SLAMF8: variants seen among roughly 807,000 people sequenced by gnomAD.
The protein encoded by SLAMF8 is SLAM family member 8, also known as B lymphocyte activator macrophage expressed.
In SLAMF8, 23 loss-of-function variants were observed where a neutral mutation model predicts 29.0. That is an observed-to-expected ratio of 0.79 (90% CI 0.57 to 1.13). The LOEUF (loss-of-function observed/expected upper bound fraction) is 1.13. Ranked by LOEUF, SLAMF8 falls within the 50% of genes most tolerant of loss-of-function variation. The pLI, the probability that SLAMF8 is intolerant of heterozygous loss-of-function variation, is 0.00. For missense variants in SLAMF8, 381 were observed against 353.1 expected (o/e 1.08, Z -0.63); for synonymous variants, 139 against 145.6 (o/e 0.96, Z 0.32).
chr1:159,828,728 G>A (rs943254284), intron 1 of SLAMF8, among the ~76,000 whole-genome samples: 21 of 152,306 alleles, frequency 1.4e-4, no homozygotes, highest in Middle Eastern at 3.4e-3. Flanking sequence ...AGGCCACTGT[G>A]AGAACACAAG....
intron 4 of SLAMF8, chr1:159,834,964 A>C: frequency 3.9e-6 from 2 of 512,156 alleles, no homozygotes; most frequent in South Asian, 5.3e-5. Context: ...TTCTACAATT[A>C]AATGTATGGC....
At chr1:159,827,024 C>T (rs1663665208) in intron 1 of SLAMF8, 86 bp downstream of exon 1, 2 of 1,550,186 alleles carry the variant, frequency 1.3e-6, no homozygotes, top group Non-Finnish European at 1.8e-6. Flanking sequence ...GCAGGGATCC[C>T]TCGACCTGGG....
At chr1:159,828,978 G>T (rs528382705) in intron 1 of SLAMF8, among the ~76,000 whole-genome samples, 1 of 152,216 alleles carries the variant, frequency 6.6e-6, no homozygotes, top group Non-Finnish European at 1.5e-5. Context: ...ACATCCAGTG[G>T]ATCCCAAGGA....
chr1:159,833,287 T>A lies in SLAMF8; in HGVS notation c.699T>A (p.Asp233Glu). 3 of 1,614,166 alleles carry A rather than the reference T, an allele frequency of 1.9e-6. No individual in the cohort carries two copies. The highest frequency in any genetic ancestry group is 2.5e-6 in the Non-Finnish European group (3 of 1,180,018). The change falls in exon 4 of 5, where the codon GAT becomes GAA. Residue 233 changes from aspartate to glutamate, a missense_variant. Coordinates refer to ENST00000289707, the MANE Select transcript of SLAMF8 (RefSeq NM_020125.3). ...CACCAGGGAAGGCCTCCTACAAAGATGTGCTGCTGGTGGTGGTGCCTGTCT... is the reference window on the plus strand; with the variant it reads ...CACCAGGGAAGGCCTCCTACAAAGAAGTGCTGCTGGTGGTGGTGCCTGTCT... ...EAAPGKASYK[D>E]VLLVVVPVSL...
rs1342434021 is a variant in SLAMF8 at position 159,830,200 on chromosome 1, T to C, written c.367+8T>C. 1.3e-6 allele frequency: 2 copies of C among 1,565,066 alleles called. No individual in the cohort carries two copies. The highest frequency in any genetic ancestry group is 1.8e-5 in the Admixed American group (1 of 54,622). On this transcript the variant is annotated splice_region_variant and intron_variant, in intron 2 of 4. Coordinates refer to ENST00000289707, the MANE Select transcript of SLAMF8 (RefSeq NM_020125.3). ...TCCAGCTCAAGGTGTACGGTGAGTG[T>C]GTCTGACACTGGCTGCCTGGCCCTC...
Position 159,836,641 on chromosome 1 carries a change from T to C in SLAMF8, c.*1381T>C, listed in dbSNP as rs1443441857. On this transcript the variant is annotated 3_prime_UTR_variant, in exon 5 of 5. Coordinates refer to ENST00000289707, the MANE Select transcript of SLAMF8 (RefSeq NM_020125.3). ...ATCTCCCCACCTAGGATGTCAGCCCTGTCCAAGGACCTTCCCTCTTCTCCC... is the reference window on the plus strand; with the variant it reads ...ATCTCCCCACCTAGGATGTCAGCCCCGTCCAAGGACCTTCCCTCTTCTCCC... 1 of 985,336 alleles carries C rather than the reference T, an allele frequency of 1.0e-6. No homozygotes were observed. The highest frequency in any genetic ancestry group is 1.7e-5 in the African/African-American group (1 of 57,236). 61.0% of individuals were successfully genotyped at this position (985,336 alleles called of 1,614,324 possible). A position where few individuals can be genotyped will look rare whatever the true frequency, so the allele number is the denominator to read the frequency against.
chr1:159,837,219 A>G lies in SLAMF8; in HGVS notation c.*1959A>G, dbSNP rs1163045364. The G allele has an allele frequency of 4.1e-6, 4 of 985,352 alleles. No homozygotes were observed. The highest frequency in any genetic ancestry group is 4.8e-6 in the Non-Finnish European group (4 of 829,976). 61.0% of individuals were successfully genotyped at this position (985,352 alleles called of 1,614,324 possible). A position where few individuals can be genotyped will look rare whatever the true frequency, so the allele number is the denominator to read the frequency against. On this transcript the variant is annotated 3_prime_UTR_variant, in exon 5 of 5. Transcript: ENST00000289707. ...CCAGGGCCTTGTTGAACAGATCCAC[A>G]CTGCTCTAATAAAGTTCCCATCCTT... is the stretch of plus-strand genomic sequence containing the variant.
intron 1 of SLAMF8, among the ~76,000 whole-genome samples, chr1:159,827,574 A>G (rs1663707551): frequency 6.6e-6 from 1 of 152,140 alleles, no homozygotes; most frequent in Admixed American, 6.5e-5. Context: ...TCCTTGGTCA[A>G]CAAGCAGCCA....
chr1:159,830,070 T>A lies in SLAMF8; in HGVS notation c.245T>A (p.Leu82Gln), dbSNP rs1333154001. Residue 82 changes from leucine (L) to glutamine (Q), a missense_variant, in exon 2 of 5, where the codon CTA becomes CAA. Leu to Gln is a moderately radical substitution (Grantham distance 113). Transcript: ENST00000289707. ...TCCCGCTTCCTGGGCCGAGCCCAGC[T>A]ACACAGCAACCTCAGCCTGGAGCTC... ...YHSRFLGRAQ[L>Q]HSNLSLELGP... The A allele has an allele frequency of 6.2e-7, 1 of 1,614,118 alleles. No individual in the cohort carries two copies. The highest frequency in any genetic ancestry group is 8.5e-7 in the Non-Finnish European group (1 of 1,180,046).
chr1:159,837,471 T>C lies in SLAMF8; in HGVS notation c.*2211T>C, dbSNP rs778740733. 9 of 216,356 alleles carry C rather than the reference T, an allele frequency of 4.2e-5. No individual in the cohort carries two copies. The highest frequency in any genetic ancestry group is 5.6e-5 in the Non-Finnish European group (7 of 125,884). The allele number at this position is 216,356 out of a possible 1,614,324, so 13.4% of individuals were successfully genotyped here. On this transcript the variant is annotated 3_prime_UTR_variant, in exon 5 of 5. Transcript: ENST00000289707. ...CTTTGAGAGTTTATGGTCTGGATAA[T>C]ATAAATAAACAAGTAAGCATATGTC...
intron 2 of SLAMF8, 132 bp from the exon 3 acceptor site, chr1:159,832,744 G>C (rs1483722469): frequency 9.2e-6 from 9 of 980,478 alleles, no homozygotes; most frequent in Non-Finnish European, 1.4e-5. Context: ...GCAGTGGAAA[G>C]CCAGACAAGA....
chr1:159,835,819 G>A lies in SLAMF8; in HGVS notation c.*559G>A, dbSNP rs1475345861. The stretch of plus-strand genomic sequence containing the variant: ...AGAAATAGGTGAAAGTGAGAGGTGG[G>A]GGACAGGGGTTTCTCTTTCTGGCCT... On this transcript the variant is annotated 3_prime_UTR_variant, in exon 5 of 5. Transcript: ENST00000289707. 5.1e-6 allele frequency: 5 copies of A among 985,424 alleles called. No homozygotes were observed. The Admixed American group carries it at 1.8e-4, about 36-fold the overall frequency. The allele number at this position is 985,424 out of a possible 1,614,324, so 61.0% of individuals were successfully genotyped here.
At position 159,829,908 on chromosome 1, in the gene SLAMF8, A is replaced by G; in HGVS notation, c.83A>G (p.Lys28Arg). Residue 28 changes from lysine (K) to arginine (R), a missense_variant, in exon 2 of 5, where the codon AAA (lysine) becomes AGA (arginine). Transcript: ENST00000289707. ...ITVTGAQVLS[K>R]VGGSVLLVAA... is the part of the protein sequence containing the mutation. ...GTTACTGGTGCCCAAGTGCTGAGCA[A>G]AGTCGGGGGCTCGGTGCTGCTGGTG... The G allele has an allele frequency of 6.2e-7, 1 of 1,614,036 alleles. No homozygotes were observed. Among genetic ancestry groups the G allele is most frequent in the Non-Finnish European group, 8.5e-7 (1 of 1,179,932 alleles).
chr1:159,833,078 G>C lies in SLAMF8; in HGVS notation c.570G>C (p.Leu190=). ...ACGGACAGGTGCTGAGCATTTCCCT[G>C]GGACCAGGAGACAGAGATGTGGCCT... is the stretch of plus-strand genomic sequence containing the variant. The part of the protein sequence containing the change: ...FTDGQVLSIS[L]GPGDRDVAYS... The change falls in exon 3 of 5, where the codon CTG becomes CTC. Residue 190 remains leucine, a synonymous_variant. Transcript: ENST00000289707. The C allele has an allele frequency of 6.2e-7, 1 of 1,614,186 alleles. No homozygotes were observed. The highest frequency in any genetic ancestry group is 1.1e-5 in the South Asian group (1 of 91,076).
At chr1:159,833,438 C>A (rs1391329582) in intron 4 of SLAMF8, 69 bp downstream of exon 4, 16 of 1,606,816 alleles carry the variant, frequency 1.0e-5, no homozygotes, top group Admixed American at 5.0e-5. Flanking sequence ...GGGTCTTGGA[C>A]CTCCTCCTAT....
Position 159,833,038 on chromosome 1 carries a change from A to G in SLAMF8, c.530A>G (p.His177Arg), listed in dbSNP as rs1419335193. 6.2e-7 allele frequency: 1 copy of G among 1,614,244 alleles called. No individual in the cohort carries two copies. Among genetic ancestry groups the G allele is most frequent in the Non-Finnish European group, 8.5e-7 (1 of 1,180,032 alleles). ...ACCATGGACTTTGGTATGGAACCAC[A>G]CAGCCTCTTCACAGACGGACAGGTG... is the stretch of plus-strand genomic sequence containing the variant. ...ETTMDFGMEP[H>R]SLFTDGQVLS... The change falls in exon 3 of 5, where the codon CAC becomes CGC. Residue 177 changes from histidine (H) to arginine (R), a missense_variant. By Grantham distance (29) the His-to-Arg change is conservative (BLOSUM62 0). Coordinates refer to ENST00000289707, the MANE Select transcript of SLAMF8 (RefSeq NM_020125.3).
intron 1 of SLAMF8, among the ~76,000 whole-genome samples, chr1:159,829,641 ATTGATTTC>A (rs1647323207): frequency 6.6e-6 from 1 of 152,140 alleles, no homozygotes; most frequent in Non-Finnish European, 1.5e-5. Context: ...ATTCATTTTT[ATTGATTTC>A]TTGAATGTCT....
rs1663654632 is a variant in SLAMF8, at chr1:159,826,902, G to A, written c.4G>A (p.Val2Ile). Residue 2 changes from valine to isoleucine, a missense_variant, in exon 1 of 5, where the codon GTC becomes ATC. Physicochemically the swap from Val to Ile is conservative, Grantham distance 29. Coordinates refer to ENST00000289707, the MANE Select transcript of SLAMF8 (RefSeq NM_020125.3). M[V>I]MRPLWSLLLW... ...TTGCCTGCCTCTCCAGAGAAAGATG[G>A]TCATGAGGCCCCTGTGGAGTCTGCT... 2 of 1,614,088 alleles carry A rather than the reference G, an allele frequency of 1.2e-6. No homozygotes were observed. The highest frequency in any genetic ancestry group is 1.7e-6 in the Non-Finnish European group (2 of 1,179,980).
chr1:159,832,965 T>C lies in SLAMF8; in HGVS notation c.457T>C (p.Trp153Arg), dbSNP rs1366627198. ...SKTCQVFLSC[W>R]APNISEITYS... The stretch of plus-strand genomic sequence containing the variant: ...GACCTGCCAGGTTTTCTTGTCCTGT[T>C]GGGCCCCCAACATCAGCGAAATAAC... Residue 153 changes from tryptophan to arginine, a missense_variant, in exon 3 of 5, where the codon TGG becomes CGG. Physicochemically the swap from Trp to Arg is moderately radical, Grantham distance 101. Transcript: ENST00000289707. 3 of 1,614,090 alleles carry C rather than the reference T, an allele frequency of 1.9e-6. No individual in the cohort carries two copies. The highest frequency in any genetic ancestry group is 2.2e-5 in the South Asian group (2 of 91,092).
Sources: gnomAD v4.1 joint callset for allele counts (sites outside exome capture counted in the v4.1 genomes callset) on GRCh38, gnomAD v4.1.1 for gene constraint, MANE v1.5 for transcripts, NCBI Gene and HGNC (gene_info 2026-07-23, HGNC 2026-07-21) for gene names.